Variants in FBXL4 observed in about 807,000 individuals in gnomAD.
The protein encoded by FBXL4 is F-box and leucine rich repeat protein 4.
In FBXL4, 40 loss-of-function variants were observed where a neutral mutation model predicts 58.9. The observed-to-expected ratio is 0.68, with a 90% CI of 0.53 to 0.88. The LOEUF (loss-of-function observed/expected upper bound fraction) is 0.88, where lower values mean the gene tolerates loss of function less well. Ranked by LOEUF, FBXL4 falls within the 40% of genes least tolerant of loss-of-function variation. The pLI, the probability that FBXL4 is intolerant of heterozygous loss-of-function variation, is 0.00. For missense variants in FBXL4, 676 were observed against 734.4 expected (o/e 0.92, Z 0.92); for synonymous variants, 263 against 265.5 (o/e 0.99, Z 0.09).
intron 5 of FBXL4, among the ~76,000 whole-genome samples, chr6:98,912,273 C>T (rs1362564464): frequency 2.0e-5 from 3 of 152,192 alleles, no homozygotes; most frequent in South Asian, 2.1e-4. Context: ...TCCAGGAGAA[C>T]TTCCCCAATC....
intron 1 of FBXL4, among the ~76,000 whole-genome samples, chr6:98,935,376 A>C (rs1773172237): frequency 6.6e-6 from 1 of 152,012 alleles, no homozygotes; most frequent in South Asian, 2.1e-4. Context: ...TCACAAAGTG[A>C]AAAGAAAGGA....
intron 5 of FBXL4, among the ~76,000 whole-genome samples, chr6:98,908,969 T>C (rs931113317): frequency 4.0e-5 from 6 of 151,164 alleles, no homozygotes; most frequent in Non-Finnish European, 4.4e-5. Context: ...ACACTTCTTT[T>C]CCAGAATGTT....
chr6:98,894,372 T>C (rs927039821), intron 7 of FBXL4, among the ~76,000 whole-genome samples: 1 of 152,086 alleles, frequency 6.6e-6, no homozygotes, highest in Non-Finnish European at 1.5e-5. Flanking sequence ...TAAGCACAAC[T>C]AAAGTGTCCT....
At chr6:98,939,413 T>C (rs1057489538) in intron 1 of FBXL4, among the ~76,000 whole-genome samples, 1 of 152,212 alleles carries the variant, frequency 6.6e-6, no homozygotes, top group African/African-American at 2.4e-5. Flanking sequence ...AACTTCACTT[T>C]CTCTCAAATC....
chr6:98,914,361 C>A (rs1461829156), intron 5 of FBXL4, among the ~76,000 whole-genome samples: 5 of 152,082 alleles, frequency 3.3e-5, no homozygotes, highest in Non-Finnish European at 5.9e-5. Context: ...GAGACACAAC[C>A]AAAAAAGAGA....
chr6:98,947,776 C>G (rs1387637157), intron 1 of FBXL4, 30 bp downstream of exon 1: 2 of 151,972 alleles, frequency 1.3e-5, no homozygotes, highest in Non-Finnish European at 2.9e-5. Context: ...CAGAGACCCA[C>G]GGGAGGGAGA....
chr6:98,944,603 G>A (rs372909910), intron 1 of FBXL4, among the ~76,000 whole-genome samples: 2 of 152,090 alleles, frequency 1.3e-5, no homozygotes, highest in South Asian at 2.1e-4. Context: ...AGGCACTGAC[G>A]GCCTTTATTT....
intron 8 of FBXL4, among the ~76,000 whole-genome samples, chr6:98,878,180 A>T (rs1000570527): frequency 3.3e-5 from 5 of 152,264 alleles, no homozygotes; most frequent in African/African-American, 7.2e-5. Flanking sequence ...ACAGTGCTCT[A>T]TGTATGTATA....
intron 4 of FBXL4, among the ~76,000 whole-genome samples, chr6:98,918,215 T>C (rs537009221): frequency 3.9e-5 from 6 of 152,286 alleles, no homozygotes; most frequent in African/African-American, 1.4e-4. Flanking sequence ...CATTGTTTCA[T>C]CAAATTTTTC....
At chr6:98,922,293 C>G (rs985769365) in intron 4 of FBXL4, among the ~76,000 whole-genome samples, 1 of 152,164 alleles carries the variant, frequency 6.6e-6, no homozygotes, top group African/African-American at 2.4e-5. Flanking sequence ...GTAGAACTAC[C>G]TGTAACTTCT....
chr6:98,929,968 C>T (rs966990457), intron 2 of FBXL4, among the ~76,000 whole-genome samples: 2 of 152,154 alleles, frequency 1.3e-5, no homozygotes, highest in African/African-American at 2.4e-5. Context: ...GAATCCCACC[C>T]TATCCTCATG....
intron 7 of FBXL4, chr6:98,898,322 C>G: frequency 1.0e-6 from 1 of 985,398 alleles, no homozygotes; most frequent in Non-Finnish European, 1.2e-6. Flanking sequence ...GTATGTACTA[C>G]AGGGGCCCAG....
chr6:98,922,094 A>G (rs1002097955), intron 4 of FBXL4, among the ~76,000 whole-genome samples: 9 of 152,068 alleles, frequency 5.9e-5, no homozygotes, highest in Non-Finnish European at 1.2e-4. Flanking sequence ...CGCCTGGCTA[A>G]TTTTTGTGTT....
At chr6:98,887,715 A>C (rs781551415) in intron 7 of FBXL4, among the ~76,000 whole-genome samples, 10 of 152,238 alleles carry the variant, frequency 6.6e-5, no homozygotes, top group Admixed American at 2.0e-4. Context: ...CGTGAGATCA[A>C]ATGCTGAGAC....
intron 4 of FBXL4, among the ~76,000 whole-genome samples, chr6:98,922,107 T>C (rs898742134): frequency 6.6e-6 from 1 of 152,208 alleles, no homozygotes; most frequent in African/African-American, 2.4e-5. Flanking sequence ...TTTGTGTTTT[T>C]AGTAGAGACG....
intron 5 of FBXL4, among the ~76,000 whole-genome samples, chr6:98,910,181 G>C (rs1771980019): frequency 6.6e-6 from 1 of 152,114 alleles, no homozygotes; most frequent in African/African-American, 2.4e-5. Context: ...AGAAATGCTT[G>C]GCCCTACTCT....
chr6:98,947,132 T>A (rs1773650463), intron 1 of FBXL4, among the ~76,000 whole-genome samples: 1 of 152,240 alleles, frequency 6.6e-6, no homozygotes, highest in Non-Finnish European at 1.5e-5. Flanking sequence ...TCACCTTCTA[T>A]AATAGTTATT....
At chr6:98,895,313 A>C (rs1039410454) in intron 7 of FBXL4, among the ~76,000 whole-genome samples, 2 of 152,234 alleles carry the variant, frequency 1.3e-5, no homozygotes, top group African/African-American at 4.8e-5. Context: ...TCATAGTAAA[A>C]AGACAAAAAA....
rs748145926 is a variant in FBXL4 at position 98,871,324 on chromosome 6, A to T, written c.*2954T>A. On this transcript the variant is annotated 3_prime_UTR_variant, in exon 10 of 10. Transcript: ENST00000369244. Reference sequence around the variant, plus strand: ...CAGTCAATAAAAAACAAGGCAAATGACCCTGAGTGGTTTTCCTTGGCTCTT... The same window carrying T: ...CAGTCAATAAAAAACAAGGCAAATGTCCCTGAGTGGTTTTCCTTGGCTCTT... 3.3e-5 allele frequency: 5 copies of T among 152,170 alleles called. No individual in the cohort carries two copies. The highest frequency in any genetic ancestry group is 5.9e-5 in the Non-Finnish European group (4 of 68,038). The allele number at this position is 152,170 out of a possible 1,614,324, so 9.4% of individuals were successfully genotyped here.
Sources: gnomAD v4.1 joint callset for allele counts (sites outside exome capture counted in the v4.1 genomes callset) on GRCh38, gnomAD v4.1.1 for gene constraint, MANE v1.5 for transcripts, NCBI Gene and HGNC (gene_info 2026-07-23, HGNC 2026-07-21) for gene names.